Variants in PDE1A observed in about 807,000 individuals in gnomAD.
The protein encoded by PDE1A is phosphodiesterase 1A.
PDE1A carries 35 observed loss-of-function variants against 61.7 expected under a neutral mutation model. The observed-to-expected ratio is 0.57, with a 90% CI of 0.43 to 0.75. PDE1A has a LOEUF of 0.75. Ranked by LOEUF, PDE1A falls within the 30% of genes least tolerant of loss-of-function variation. PDE1A has a pLI of 0.00. For missense variants in PDE1A, 597 were observed against 630.6 expected, an observed-to-expected ratio of 0.95 and a Z score of 0.57; for synonymous variants, 232 against 213.2, an observed-to-expected ratio of 1.09 and a Z score of -0.77.
intron 7 of PDE1A, among the ~76,000 whole-genome samples, chr2:182,216,227 T>A (rs767143700): frequency 0.048 from 3,183 of 66,186 alleles, 915 homozygotes; most frequent in South Asian, 0.094. Flanking sequence ...CCCTTCATGC[T>A]AAAAACTCTC....
chr2:182,570,791 G>A, the PDE1A span, among the ~76,000 whole-genome samples: 1 of 152,160 alleles, frequency 6.6e-6, no homozygotes, highest in Non-Finnish European at 1.5e-5. Context: ...AGATAGTGGA[G>A]AGCTTAAGGA....
At chr2:182,326,982 T>A (rs1418113852) in intron 1 of PDE1A, among the ~76,000 whole-genome samples, 2 of 152,198 alleles carry the variant, frequency 1.3e-5, no homozygotes, top group Non-Finnish European at 2.9e-5. Flanking sequence ...CTATTTTGAG[T>A]AAACATTATC....
chr2:182,348,345 A>G (rs1345694699), intron 1 of PDE1A, among the ~76,000 whole-genome samples: 3 of 152,116 alleles, frequency 2.0e-5, no homozygotes, highest in Non-Finnish European at 4.4e-5. Flanking sequence ...CTTAAGAGAA[A>G]AGTGGTAGAT....
chr2:182,296,747 G>A (rs1156420648), intron 1 of PDE1A, among the ~76,000 whole-genome samples: 1 of 152,184 alleles, frequency 6.6e-6, no homozygotes, highest in African/African-American at 2.4e-5. Flanking sequence ...TGGGTGTGCT[G>A]TGAGTGTTTC....
At chr2:182,456,252 C>T (rs62188297) in intron 2 of PDE1A, among the ~76,000 whole-genome samples, 25,580 of 151,874 alleles carry the variant, frequency 0.17, 2,531 homozygotes, top group Middle Eastern at 0.35. Context: ...GCCCCCCTTC[C>T]CAAGCCTACT....
chr2:182,544,741 C>T, the PDE1A span, among the ~76,000 whole-genome samples: 2 of 152,142 alleles, frequency 1.3e-5, no homozygotes, highest in African/African-American at 4.8e-5. Context: ...TGCTTTTCTG[C>T]CTCGATTTGT....
chr2:182,710,415 T>C, the PDE1A span, among the ~76,000 whole-genome samples: 1 of 152,182 alleles, frequency 6.6e-6, no homozygotes, highest in Non-Finnish European at 1.5e-5. Flanking sequence ...AGACAATATA[T>C]TATTAACTAT....
chr2:182,471,617 G>T (rs1042549312), intron 2 of PDE1A, among the ~76,000 whole-genome samples: 5 of 151,738 alleles, frequency 3.3e-5, no homozygotes, highest in Non-Finnish European at 5.9e-5. Flanking sequence ...TTTGGAAAGA[G>T]AATTTTTACG....
At chr2:182,709,398 A>G in the PDE1A span, among the ~76,000 whole-genome samples, 1 of 152,162 alleles carries the variant, frequency 6.6e-6, no homozygotes, top group African/African-American at 2.4e-5. Flanking sequence ...TTTATTCTTC[A>G]TTTCATCCTA....
chr2:182,319,937 C>T (rs559601860), intron 1 of PDE1A, among the ~76,000 whole-genome samples: 5 of 152,224 alleles, frequency 3.3e-5, no homozygotes, highest in South Asian at 4.1e-4. Flanking sequence ...TTTCACATTT[C>T]ATTCTTGTTT....
intron 1 of PDE1A, among the ~76,000 whole-genome samples, chr2:182,269,039 A>C (rs1198127358): frequency 6.6e-6 from 1 of 152,202 alleles, no homozygotes; most frequent in Non-Finnish European, 1.5e-5. Flanking sequence ...AAGATAAATT[A>C]GTAGACAAAA....
At chr2:182,201,369 A>C in intron 10 of PDE1A, 70 bp downstream of exon 10, 3 of 1,556,330 alleles carry the variant, frequency 1.9e-6, no homozygotes, top group Non-Finnish European at 2.6e-6. Flanking sequence ...GATTCCATAC[A>C]GAAAAGGTGT....
downstream of PDE1A, among the ~76,000 whole-genome samples, chr2:182,146,133 G>A (rs1362063308): frequency 1.3e-5 from 2 of 151,922 alleles, no homozygotes; most frequent in East Asian, 1.9e-4. Context: ...CCATATCTCC[G>A]CCATCGGTTC....
chr2:182,250,915 T>A (rs959413024), intron 2 of PDE1A, among the ~76,000 whole-genome samples: 5 of 152,024 alleles, frequency 3.3e-5, no homozygotes, highest in African/African-American at 1.2e-4. Flanking sequence ...CAAAGAATGT[T>A]GAGGGGAAGG....
intron 2 of PDE1A, among the ~76,000 whole-genome samples, chr2:182,478,915 T>A (rs1358013513): frequency 6.6e-6 from 1 of 151,892 alleles, no homozygotes; most frequent in East Asian, 1.9e-4. Flanking sequence ...GACTTGACTA[T>A]AACAACATTC....
At chr2:182,286,226 C>T (rs1694153035) in intron 1 of PDE1A, among the ~76,000 whole-genome samples, 1 of 152,102 alleles carries the variant, frequency 6.6e-6, no homozygotes, top group Non-Finnish European at 1.5e-5. Flanking sequence ...ACATTTCCTC[C>T]TCCTCTGATA....
intron 1 of PDE1A, among the ~76,000 whole-genome samples, chr2:182,345,275 A>C (rs1698450974): frequency 6.6e-6 from 1 of 152,216 alleles, no homozygotes; most frequent in Non-Finnish European, 1.5e-5. Context: ...CATCTTGGTG[A>C]ACGGTGGCAT....
the PDE1A span, among the ~76,000 whole-genome samples, chr2:182,704,841 G>T: frequency 2.0e-5 from 3 of 152,274 alleles, no homozygotes; most frequent in Admixed American, 1.3e-4. Flanking sequence ...GTGGATAAAA[G>T]AATTATCATG....
chr2:182,409,908 G>A (rs1702512786), intron 1 of PDE1A, among the ~76,000 whole-genome samples: 1 of 151,900 alleles, frequency 6.6e-6, no homozygotes, highest in Admixed American at 6.6e-5. Context: ...TCAATAGTAA[G>A]GATAATAATT....
Sources: gnomAD v4.1 joint callset for allele counts (sites outside exome capture counted in the v4.1 genomes callset) on GRCh38, gnomAD v4.1.1 for gene constraint, MANE v1.5 for transcripts, NCBI Gene and HGNC (gene_info 2026-07-23, HGNC 2026-07-21) for gene names.